ARHGEF17: variants seen among roughly 807,000 people sequenced by gnomAD.
ARHGEF17 encodes Rho guanine nucleotide exchange factor 17, also known as 164 kDa Rho-specific guanine-nucleotide exchange factor.
A neutral mutation model predicts 174.0 loss-of-function variants in ARHGEF17; 80 were observed. The observed-to-expected ratio is 0.46, with a 90% CI of 0.38 to 0.55. The LOEUF is 0.55. Ranked by LOEUF, ARHGEF17 falls within the 20% of genes least tolerant of loss-of-function variation. The pLI is 0.00. For synonymous variants in ARHGEF17, 1,311 were observed against 1,189.1 expected (o/e 1.10, Z -2.11); for missense variants, 2,886 against 2,839.7 (o/e 1.02, Z -0.37).
chr11:73,340,909 C>A (rs902513671), intron 1 of ARHGEF17, among the ~76,000 whole-genome samples: 1 of 152,180 alleles, frequency 6.6e-6, no homozygotes, highest in Non-Finnish European at 1.5e-5. Context: ...AGGCTCCATC[C>A]GCAGGGAAGC....
chr11:73,321,555 G>A (rs1865018021), intron 1 of ARHGEF17, among the ~76,000 whole-genome samples: 1 of 152,214 alleles, frequency 6.6e-6, no homozygotes, highest in Non-Finnish European at 1.5e-5. Context: ...TGTAAAATGG[G>A]GGCACTAAGG....
At chr11:73,362,854 A>G (rs1343877668) in intron 14 of ARHGEF17, 120 bp downstream of exon 14, 3 of 1,271,470 alleles carry the variant, frequency 2.4e-6, no homozygotes, top group African/African-American at 3.0e-5. Flanking sequence ...GGATGTTAGC[A>G]CACAGAGCAA....
Position 73,309,391 on chromosome 11 carries a change from C to A in ARHGEF17, c.753C>A (p.Ser251Arg). Residue 251 changes from serine to arginine, a missense_variant, in exon 1 of 21, where the codon AGC becomes AGA. Transcript: ENST00000263674. ...PVSRSRAASS[S>R]EEEEEGPPQL... ...GCCGCAGTCGTGCTGCCAGCTCCAG[C>A]GAGGAGGAAGAGGAGGGCCCGCCGC... 1 of 1,570,336 alleles carries A rather than the reference C, an allele frequency of 6.4e-7. No individual in the cohort carries two copies. Among genetic ancestry groups the A allele is most frequent in the Non-Finnish European group, 8.6e-7 (1 of 1,156,860 alleles).
chr11:73,309,946 C>T lies in ARHGEF17; in HGVS notation c.1308C>T (p.Ala436=), dbSNP rs1205406248. The change falls in exon 1 of 21, where the codon GCC becomes GCT. Residue 436 remains alanine (A), a synonymous_variant. Transcript: ENST00000263674. The stretch of plus-strand genomic sequence containing the variant: ...TGCGGTCCCAGGCTCGAACCCGTGC[C>T]AAAGGACCTGGAGGCACCTCTAGGG... ...GLLRSQARTR[A]KGPGGTSRAL... The T allele has an allele frequency of 6.2e-7, 1 of 1,613,662 alleles. No homozygotes were observed. Among genetic ancestry groups the T allele is most frequent in the African/African-American group, 1.3e-5 (1 of 74,912 alleles).
intron 1 of ARHGEF17, among the ~76,000 whole-genome samples, chr11:73,313,831 G>T (rs1864883919): frequency 6.6e-6 from 1 of 152,210 alleles, no homozygotes; most frequent in East Asian, 1.9e-4. Flanking sequence ...CATAAAATGG[G>T]GGTAATGGCC....
rs201721996 is a variant in ARHGEF17, at chr11:73,360,339, G to A, written c.4226G>A (p.Arg1409Gln). ...CCACAGAGCCTGGACGATGCACTGC[G>A]GGACCTCTCAGCTGCCATGCACCGG... is the stretch of plus-strand genomic sequence containing the variant. The part of the protein sequence containing the change: ...FPHQSLDDAL[R>Q]DLSAAMHRDL... The change falls in exon 11 of 21, where the codon CGG (arginine) becomes CAG (glutamine). Residue 1409 changes from arginine to glutamine, a missense_variant. By Grantham distance (43) the Arg-to-Gln change is conservative (BLOSUM62 1). This residue lies in a region of ARHGEF17 where 476 missense variants were observed against 473.1 expected (regional missense o/e 1.01). Transcript: ENST00000263674. 53 of 1,613,706 alleles carry A rather than the reference G, an allele frequency of 3.3e-5. No individual in the cohort carries two copies. The African/African-American group carries it at 5.1e-4, about 15-fold the overall frequency.
At chr11:73,344,912 G>A (rs1432441047) in intron 1 of ARHGEF17, among the ~76,000 whole-genome samples, 1 of 152,178 alleles carries the variant, frequency 6.6e-6, no homozygotes, top group Non-Finnish European at 1.5e-5. Flanking sequence ...CCACTCACAG[G>A]CTGTGTGATC....
intron 1 of ARHGEF17, among the ~76,000 whole-genome samples, chr11:73,328,883 C>T (rs923718007): frequency 2.6e-5 from 4 of 151,920 alleles, no homozygotes; most frequent in African/African-American, 9.7e-5. Context: ...ACTCCGAGGC[C>T]AGGGGAGCCC....
chr11:73,364,056 G>A lies in ARHGEF17; in HGVS notation c.5334-116G>A, dbSNP rs986451483. 2.6e-6 allele frequency: 3 copies of A among 1,161,998 alleles called. No homozygotes were observed. In the East Asian group the frequency reaches 7.0e-5, roughly 27 times the overall value. The allele number at this position is 1,161,998 out of a possible 1,614,324, so 72.0% of individuals were successfully genotyped here. A position where few individuals can be genotyped will look rare whatever the true frequency, so the allele number is the denominator to read the frequency against. On this transcript the variant is annotated intron_variant, in intron 16 of 20. Transcript: ENST00000263674. Reference sequence around the variant, plus strand: ...GCAACCCCCACCTGGAGAACAAGGGGTGGGAAGAGGTGGCCTCTCGGGAGC... The same window carrying A: ...GCAACCCCCACCTGGAGAACAAGGGATGGGAAGAGGTGGCCTCTCGGGAGC...
chr11:73,349,962 T>C lies in ARHGEF17; in HGVS notation c.3271-2868T>C, dbSNP rs534213733. 2.0e-5 allele frequency among the ~76,000 whole-genome samples: 3 copies of C among 152,272 alleles called. No homozygotes were observed. In the South Asian group the frequency reaches 6.2e-4, roughly 32 times the overall value. On this transcript the variant is annotated intron_variant, in intron 2 of 20. Coordinates refer to ENST00000263674, the MANE Select transcript of ARHGEF17 (RefSeq NM_014786.4). Reference sequence around the variant, plus strand: ...GAGCCAAGCCACCAGCATTCAAACTTGGCTCCATCTCCTGGCCAGCTGCAT... The same window carrying C: ...GAGCCAAGCCACCAGCATTCAAACTCGGCTCCATCTCCTGGCCAGCTGCAT...
At chr11:73,349,038 G>T (rs906665032) in intron 2 of ARHGEF17, among the ~76,000 whole-genome samples, 1 of 152,210 alleles carries the variant, frequency 6.6e-6, no homozygotes, top group African/African-American at 2.4e-5. Flanking sequence ...CCAGGTGGCT[G>T]CAGGAAGGAA....
At chr11:73,345,968 A>G (rs12282282) in intron 1 of ARHGEF17, among the ~76,000 whole-genome samples, 49,702 of 151,634 alleles carry the variant, frequency 0.33, 11,298 homozygotes, top group African/African-American at 0.65. Flanking sequence ...GGGGATTTTG[A>G]GGGGAGAGGT....
intron 14 of ARHGEF17, 125 bp from the exon 15 acceptor site, chr11:73,363,081 C>A: frequency 1.5e-6 from 2 of 1,315,464 alleles, no homozygotes; most frequent in Non-Finnish European, 2.0e-6. Flanking sequence ...CGGAGCAGGC[C>A]GGGGAAGAAC....
intron 17 of ARHGEF17, 92 bp downstream of exon 17, chr11:73,364,331 C>T (rs1333462464): frequency 6.9e-6 from 11 of 1,599,864 alleles, no homozygotes; most frequent in Non-Finnish European, 9.4e-6. Flanking sequence ...AACTCCCAGG[C>T]CCTCTGTGGG....
intron 4 of ARHGEF17, 80 bp downstream of exon 4, chr11:73,355,729 G>A: frequency 6.4e-7 from 1 of 1,556,178 alleles, no homozygotes; most frequent in Middle Eastern, 1.7e-4. Context: ...TCCCAGCGTG[G>A]GTACCATAGT....
intron 1 of ARHGEF17, among the ~76,000 whole-genome samples, chr11:73,328,123 C>T (rs1170853949): frequency 6.6e-6 from 1 of 152,154 alleles, no homozygotes; most frequent in African/African-American, 2.4e-5. Flanking sequence ...AGTGACCTAG[C>T]TGGCTGAGGA....
At chr11:73,313,779 A>G (rs1034088461) in intron 1 of ARHGEF17, among the ~76,000 whole-genome samples, 8 of 152,230 alleles carry the variant, frequency 5.3e-5, no homozygotes, top group African/African-American at 1.9e-4. Flanking sequence ...TGTGTGGCCT[A>G]GGATCCATCA....
intron 1 of ARHGEF17, among the ~76,000 whole-genome samples, chr11:73,346,586 G>T (rs893256281): frequency 3.3e-5 from 5 of 152,230 alleles, no homozygotes; most frequent in Non-Finnish European, 7.3e-5. Flanking sequence ...TCAATAGCCT[G>T]GCAGAGGAGC....
intron 1 of ARHGEF17, among the ~76,000 whole-genome samples, chr11:73,322,805 G>A (rs12290082): frequency 0.14 from 20,792 of 152,002 alleles, 1,829 homozygotes; most frequent in African/African-American, 0.25. Flanking sequence ...AGCACTGCCA[G>A]CTTTGCACAT....
Sources: allele counts gnomAD v4.1 joint callset (sites outside exome capture counted in the v4.1 genomes callset), GRCh38; gene constraint gnomAD v4.1.1; regional missense constraint gnomAD v4.1.1; transcripts MANE v1.5; gene names NCBI Gene and HGNC (gene_info 2026-07-23, HGNC 2026-07-21).